AAGAB: variants seen among roughly 807,000 people sequenced by gnomAD.
AAGAB encodes the protein alpha- and gamma-adaptin-binding protein p34.
In AAGAB, 38 loss-of-function variants were observed where a neutral mutation model predicts 44.1. The observed-to-expected ratio is 0.86, with a 90% CI of 0.67 to 1.13. The LOEUF is 1.13. Among genes scored for constraint, AAGAB ranks in the 50% most tolerant of loss-of-function variants. The pLI is 0.00. For synonymous variants in AAGAB, 131 were observed against 131.8 expected (o/e 0.99, Z 0.04); for missense variants, 450 against 373.8 (o/e 1.20, Z -1.68).
chr15:67,216,488 C>A (rs1963953175), intron 5 of AAGAB, among the ~76,000 whole-genome samples: 2 of 142,764 alleles, frequency 1.4e-5, no homozygotes, highest in Admixed American at 7.1e-5. Context: ...AATTAAATCA[C>A]CAAAGATACG....
In AAGAB at chr15:67,209,544, T is replaced by C. The variant is rs1203827922; in HGVS notation, c.536A>G (p.Asp179Gly). The change falls in exon 6 of 10, where the codon GAT becomes GGT. Residue 179 changes from aspartate to glycine, a missense_variant and splice_region_variant. Asp to Gly is a moderately conservative substitution (Grantham distance 94, BLOSUM62 -1). Coordinates refer to ENST00000261880, the MANE Select transcript of AAGAB (RefSeq NM_024666.5). ...NVWSNVVMKN[D>G]RNQGFSLLNS... is the part of the protein sequence containing the mutation. Reference sequence around the variant, plus strand: ...GAGAAGGCTAAAGCCTTGGTTCCTATCTGAAAAGGAAAAATACACTTAGTG... The same window carrying C: ...GAGAAGGCTAAAGCCTTGGTTCCTACCTGAAAAGGAAAAATACACTTAGTG... 3.7e-6 allele frequency: 6 copies of C among 1,612,778 alleles called. No individual in the cohort carries two copies. In the Admixed American group the frequency reaches 8.3e-5, roughly 22 times the overall value.
At chr15:67,247,145 G>T (rs112164896) in intron 1 of AAGAB, among the ~76,000 whole-genome samples, 4 of 151,750 alleles carry the variant, frequency 2.6e-5, no homozygotes, top group Admixed American at 6.6e-5. Flanking sequence ...CACGGCGAAG[G>T]TCTGCAGCTT....
chr15:67,202,861 C>CT lies in AAGAB; in HGVS notation c.907dup (p.Arg303LysfsTer3), dbSNP rs1391026971. The CT allele has an allele frequency of 1.9e-6, 3 of 1,613,984 alleles. No individual in the cohort carries two copies. Among genetic ancestry groups the CT allele is most frequent in the Admixed American group, 1.7e-5 (1 of 60,002 alleles). On this transcript the variant is annotated frameshift_variant, in exon 10 of 10. Coordinates refer to ENST00000261880, the MANE Select transcript of AAGAB (RefSeq NM_024666.5). LOFTEE classifies it high-confidence loss of function. Reference sequence around the variant, plus strand: ...AGATGAAAGGCCTTCAATTTCATCTCTGTCTCCCCCGATTGCCATCCAGAA... The same window carrying CT: ...AGATGAAAGGCCTTCAATTTCATCTCTTGTCTCCCCCGATTGCCATCCAGAA...
chr15:67,252,669 AGAAG>A, intron 1 of AAGAB, among the ~76,000 whole-genome samples: 1 of 152,298 alleles, frequency 6.6e-6, no homozygotes, highest in South Asian at 2.1e-4. Flanking sequence ...AAGGAAGAAA[AGAAG>A]GAAGAAAGGA....
chr15:67,233,319 C>A (rs1016885769), intron 4 of AAGAB, among the ~76,000 whole-genome samples: 4 of 152,076 alleles, frequency 2.6e-5, no homozygotes, highest in African/African-American at 9.7e-5. Flanking sequence ...TTAGTACTAT[C>A]CTGCTTCTGG....
intron 5 of AAGAB, among the ~76,000 whole-genome samples, chr15:67,224,019 A>T: frequency 6.6e-6 from 1 of 152,216 alleles, no homozygotes; most frequent in Non-Finnish European, 1.5e-5. Flanking sequence ...TCTACAAAGC[A>T]ATCTCAATGT....
chr15:67,238,736 C>T (rs1326826893), intron 1 of AAGAB, among the ~76,000 whole-genome samples: 4 of 149,056 alleles, frequency 2.7e-5, no homozygotes, highest in Admixed American at 1.4e-4. Flanking sequence ...CGCTCTGTTG[C>T]GCAGGCTGGA....
rs185699549 is a variant in AAGAB, at chr15:67,238,346, A to G, written c.74-1526T>C. 4.1e-3 allele frequency among the ~76,000 whole-genome samples: 627 copies of G among 152,328 alleles called. 2 individuals carry two copies. The highest frequency in any genetic ancestry group is 5.4e-3 in the Non-Finnish European group (366 of 68,034). On this transcript the variant is annotated intron_variant, in intron 1 of 9. Transcript: ENST00000261880. ...CTTTTACTTAGTGTCAGTCAATTCC[A>G]TCGCAACCAGCTGCTATGTCCCTTA...
At chr15:67,219,542 C>T (rs1001738815) in intron 5 of AAGAB, among the ~76,000 whole-genome samples, 1 of 152,108 alleles carries the variant, frequency 6.6e-6, no homozygotes, top group African/African-American at 2.4e-5. Context: ...GGCCATTATC[C>T]TAAGTGAATT....
chr15:67,232,146 C>G (rs568574741), intron 4 of AAGAB, among the ~76,000 whole-genome samples: 2 of 150,510 alleles, frequency 1.3e-5, no homozygotes, highest in African/African-American at 4.9e-5. Context: ...TCCAGCTACT[C>G]GGGAGGCTGA....
intron 7 of AAGAB, among the ~76,000 whole-genome samples, chr15:67,204,602 T>C (rs1345344699): frequency 6.6e-6 from 1 of 152,000 alleles, no homozygotes; most frequent in African/African-American, 2.4e-5. Context: ...TTAGAACAGA[T>C]AACATTATCT....
intron 4 of AAGAB, among the ~76,000 whole-genome samples, chr15:67,233,753 A>C (rs1423227779): frequency 1.3e-5 from 2 of 152,214 alleles, no homozygotes; most frequent in African/African-American, 4.8e-5. Flanking sequence ...ATGCACTGCA[A>C]TTGATGATTT....
chr15:67,223,545 A>G (rs967691029), intron 5 of AAGAB, among the ~76,000 whole-genome samples: 3 of 151,760 alleles, frequency 2.0e-5, no homozygotes, highest in Admixed American at 6.6e-5. Flanking sequence ...ACCTTTTCTT[A>G]CCCCTTTCAT....
At chr15:67,254,885 C>T (rs762775024), upstream of AAGAB, 1 of 1,613,396 alleles carries the variant, frequency 6.2e-7, no homozygotes, top group Admixed American at 1.7e-5. Context: ...GTAGCCGTTC[C>T]CTGACCTAGC....
chr15:67,244,795 C>G (rs139796388), intron 1 of AAGAB, among the ~76,000 whole-genome samples: 1 of 151,284 alleles, frequency 6.6e-6, no homozygotes, highest in African/African-American at 2.4e-5. Context: ...GAGAGTGAGA[C>G]TCCGTCTTAA....
intron 1 of AAGAB, among the ~76,000 whole-genome samples, chr15:67,248,869 A>C (rs1048971355): frequency 6.6e-6 from 1 of 152,218 alleles, no homozygotes; most frequent in Non-Finnish European, 1.5e-5. Flanking sequence ...AATTTCAAAC[A>C]CAAAAGGTTA....
chr15:67,250,971 G>T (rs1466620839), intron 1 of AAGAB, among the ~76,000 whole-genome samples: 1 of 152,186 alleles, frequency 6.6e-6, no homozygotes, highest in African/African-American at 2.4e-5. Context: ...AGCTTGCAGT[G>T]AGCCGAGATC....
intron 1 of AAGAB, among the ~76,000 whole-genome samples, chr15:67,248,634 A>C (rs1964785661): frequency 6.6e-6 from 1 of 152,250 alleles, no homozygotes; most frequent in Non-Finnish European, 1.5e-5. Flanking sequence ...TTAGTAAATT[A>C]CTTCAAGATA....
intron 5 of AAGAB, among the ~76,000 whole-genome samples, chr15:67,219,540 T>A (rs907340062): frequency 2.0e-5 from 3 of 152,178 alleles, no homozygotes; most frequent in African/African-American, 7.2e-5. Flanking sequence ...GAGGCCATTA[T>A]CCTAAGTGAA....
Sources: allele counts gnomAD v4.1 joint callset (sites outside exome capture counted in the v4.1 genomes callset), GRCh38; gene constraint gnomAD v4.1.1; transcripts MANE v1.5; gene names NCBI Gene and HGNC (gene_info 2026-07-23, HGNC 2026-07-21).